NRXN3: variants seen among roughly 807,000 people sequenced by gnomAD.
NRXN3 encodes the protein neurexin III.
NRXN3 carries 32 observed loss-of-function variants against 137.6 expected under a neutral mutation model. That is an observed-to-expected ratio of 0.23 (90% CI 0.18 to 0.31). The LOEUF (loss-of-function observed/expected upper bound fraction) is 0.31. NRXN3 is among the 10% of genes least tolerant of loss of function. The probability of loss-of-function intolerance (pLI) is 1.00; values close to 1 mark genes in which losing one functional copy is unlikely to be tolerated. For missense variants in NRXN3, 1,574 were observed against 2,062.5 expected (o/e 0.76, Z 4.59); for synonymous variants, 798 against 784.5 (o/e 1.02, Z -0.29).
chr14:79,035,246 T>C (rs1233418703), intron 15 of NRXN3, among the ~76,000 whole-genome samples: 1 of 152,136 alleles, frequency 6.6e-6, no homozygotes, highest in Non-Finnish European at 1.5e-5. Flanking sequence ...ATCAAAGTTT[T>C]ATTCATGTAC....
chr14:79,628,127 C>T (rs1389090405), intron 16 of NRXN3, among the ~76,000 whole-genome samples: 2 of 152,080 alleles, frequency 1.3e-5, no homozygotes, highest in Non-Finnish European at 2.9e-5. Context: ...AATAGAAAGG[C>T]ACTTTTTTTC....
rs1028913303 is a variant in NRXN3 at position 78,558,366 on chromosome 14, T to C, written c.758-86754T>C. Among the ~76,000 whole-genome samples the C allele has an allele frequency of 7.9e-5, 12 of 152,346 alleles. No homozygotes were observed. The East Asian group carries it at 2.1e-3, about 27-fold the overall frequency. On this transcript the variant is annotated intron_variant, in intron 4 of 20. Coordinates refer to ENST00000335750, the MANE Select transcript of NRXN3 (RefSeq NM_001330195.2). ...AATTGTCTTCCATGTTATCCAACAG[T>C]TCTAACATGAAAACCCATGTATTAA...
intron 1 of NRXN3, among the ~76,000 whole-genome samples, chr14:78,223,140 C>T (rs1181106508): frequency 3.9e-5 from 6 of 152,204 alleles, no homozygotes; most frequent in Admixed American, 2.6e-4. Flanking sequence ...CACTAACTAA[C>T]AATGCAGAGT....
chr14:78,261,351 A>G lies in NRXN3; in HGVS notation c.710-17294A>G, dbSNP rs370201521. On this transcript the variant is annotated intron_variant, in intron 2 of 20. Coordinates refer to ENST00000335750, the MANE Select transcript of NRXN3 (RefSeq NM_001330195.2). ...TTCAGACACATGTTCTTCAAAGAGA[A>G]ACATACAAGCTGCCCTGGACTGCTT... Among the ~76,000 whole-genome samples the G allele has an allele frequency of 1.4e-4, 22 of 152,306 alleles. 1 individual carries two copies. The East Asian group carries it at 2.5e-3, about 17-fold the overall frequency.
In NRXN3 at chr14:79,845,550, A is replaced by G. The variant is rs376548978; in HGVS notation, c.4094-15792A>G. On this transcript the variant is annotated intron_variant, in intron 20 of 20. Transcript: ENST00000335750. The stretch of plus-strand genomic sequence containing the variant: ...GGGGGTGGGGGGCTGGAGAGAGACA[A>G]GGATAGACAGAGAGAGAGAGAGACC... 6.7e-5 allele frequency among the ~76,000 whole-genome samples: 10 copies of G among 150,000 alleles called. No homozygotes were observed. The South Asian group carries it at 1.9e-3, about 29-fold the overall frequency.
At chr14:78,237,371 C>T (rs1221461724) in intron 1 of NRXN3, among the ~76,000 whole-genome samples, 1 of 152,206 alleles carries the variant, frequency 6.6e-6, no homozygotes, top group Non-Finnish European at 1.5e-5. Flanking sequence ...TTAGGTCTGG[C>T]TAGATCTAGG....
intron 15 of NRXN3, among the ~76,000 whole-genome samples, chr14:79,335,050 C>T (rs1035176270): frequency 1.6e-4 from 24 of 152,128 alleles, no homozygotes; most frequent in Admixed American, 1.3e-3. Context: ...CATGTTGCCT[C>T]AGTGACTCCC....
chr14:78,699,352 T>C (rs1190386125), intron 6 of NRXN3, among the ~76,000 whole-genome samples: 1 of 152,228 alleles, frequency 6.6e-6, no homozygotes, highest in African/African-American at 2.4e-5. Flanking sequence ...GCTGAACTTT[T>C]GTCAAGGCTG....
intron 16 of NRXN3, among the ~76,000 whole-genome samples, chr14:79,608,946 C>T (rs1049174456): frequency 6.6e-6 from 1 of 152,132 alleles, no homozygotes; most frequent in Non-Finnish European, 1.5e-5. Flanking sequence ...CTATATAATT[C>T]AGCTCAAAAG....
At chr14:78,405,609 G>GGGGC (rs2092427079) in intron 4 of NRXN3, among the ~76,000 whole-genome samples, 1 of 128,292 alleles carries the variant, frequency 7.8e-6, no homozygotes, top group Non-Finnish European at 1.7e-5. Flanking sequence ...TGCTGGGGAA[G>GGGGC]GGGCGGGGGG....
In NRXN3 at chr14:79,454,120, T is replaced by A. The variant is rs1252392552; in HGVS notation, c.3263-13101T>A. Among the ~76,000 whole-genome samples the A allele has an allele frequency of 2.6e-5, 4 of 152,234 alleles. 1 individual carries two copies. In the South Asian group the frequency reaches 8.3e-4, roughly 32 times the overall value. On this transcript the variant is annotated intron_variant, in intron 15 of 20. Coordinates refer to ENST00000335750, the MANE Select transcript of NRXN3 (RefSeq NM_001330195.2). ...TTTTTTTTAAGACAGAGTCTCGCTC[T>A]GTCACCAGGCTGGAGTGCAGTGGCG...
chr14:78,382,440 C>A (rs1337638462), intron 4 of NRXN3, among the ~76,000 whole-genome samples: 1 of 152,092 alleles, frequency 6.6e-6, no homozygotes, highest in Non-Finnish European at 1.5e-5. Context: ...TTCTTGTTTC[C>A]AAGAACTTCA....
intron 15 of NRXN3, among the ~76,000 whole-genome samples, chr14:79,133,189 T>C (rs551046221): frequency 1.3e-5 from 2 of 152,318 alleles, no homozygotes; most frequent in Admixed American, 6.5e-5. Flanking sequence ...ATTATTGTCT[T>C]TTTCAGTTTT....
chr14:79,545,904 T>A (rs1567456933), intron 16 of NRXN3, among the ~76,000 whole-genome samples: 1 of 152,072 alleles, frequency 6.6e-6, no homozygotes. Context: ...CATCTTGAAT[T>A]CCCATGTGTT....
chr14:79,662,295 C>T (rs2098538032), intron 16 of NRXN3, among the ~76,000 whole-genome samples: 1 of 152,164 alleles, frequency 6.6e-6, no homozygotes, highest in Non-Finnish European at 1.5e-5. Flanking sequence ...AGATGTCTCC[C>T]TTCTGTCCTT....
At chr14:78,756,545 CAA>C (rs869164043) in intron 8 of NRXN3, among the ~76,000 whole-genome samples, 9,223 of 70,690 alleles carry the variant, frequency 0.13, 342 homozygotes, top group South Asian at 0.3. Context: ...GATTCTGTCT[CAA>C]AAAAAAAAAA....
Position 79,551,772 on chromosome 14 carries a change from T to A in NRXN3, c.3444+84370T>A, listed in dbSNP as rs79169893. Among the ~76,000 whole-genome samples, 1,001 of 152,258 alleles carry A rather than the reference T, an allele frequency of 6.6e-3. 8 individuals are homozygous for A. Among genetic ancestry groups the A allele is most frequent in the African/African-American group, 0.023 (973 of 41,548 alleles). On this transcript the variant is annotated intron_variant, in intron 16 of 20. Coordinates refer to ENST00000335750, the MANE Select transcript of NRXN3 (RefSeq NM_001330195.2). ...CTGGGAAGTACAGGGAGCAGGTAAGTTGTTTTGCTAATACATCCCTGGGGA... is the reference window on the plus strand; with the variant it reads ...CTGGGAAGTACAGGGAGCAGGTAAGATGTTTTGCTAATACATCCCTGGGGA...
chr14:78,632,136 G>T (rs2097528556), intron 4 of NRXN3, among the ~76,000 whole-genome samples: 2 of 150,738 alleles, frequency 1.3e-5, no homozygotes, highest in African/African-American at 4.9e-5. Context: ...AAAAAAAGTG[G>T]ATTTCCTTAT....
chr14:78,926,811 T>A (rs1328168304), intron 10 of NRXN3, among the ~76,000 whole-genome samples: 1 of 53,314 alleles, frequency 1.9e-5, no homozygotes, highest in Non-Finnish European at 3.2e-5. Flanking sequence ...TATTTATATA[T>A]ATTATATATT....
Sources: gnomAD v4.1 joint callset for allele counts (sites outside exome capture counted in the v4.1 genomes callset) on GRCh38, gnomAD v4.1.1 for gene constraint, MANE v1.5 for transcripts, NCBI Gene and HGNC (gene_info 2026-07-23, HGNC 2026-07-21) for gene names.